The following PBLD variants were observed in gnomAD, a reference collection of about 807,000 sequenced individuals.
The protein encoded by PBLD is phenazine biosynthesis-like domain-containing protein.
PBLD carries 26 observed loss-of-function variants against 31.3 expected under a neutral mutation model. That is an observed-to-expected ratio of 0.83 (90% CI 0.61 to 1.15). PBLD has a LOEUF of 1.15. Ranked by LOEUF, PBLD falls within the 50% of genes most tolerant of loss-of-function variation. PBLD has a pLI of 0.00. For synonymous variants in PBLD, 114 were observed against 129.0 expected (o/e 0.88, Z 0.79); for missense variants, 307 against 351.7 (o/e 0.87, Z 1.02).
chr10:68,332,288 G>A (rs1044193102), intron 1 of PBLD: 1 of 152,276 alleles, frequency 6.6e-6, no homozygotes. Flanking sequence ...ACGAAAGGCC[G>A]GGAGGGGCTG....
At chr10:68,291,610 A>G (rs1466180010) in intron 6 of PBLD, among the ~76,000 whole-genome samples, 1 of 152,190 alleles carries the variant, frequency 6.6e-6, no homozygotes, top group African/African-American at 2.4e-5. Context: ...TTGCACAGCC[A>G]TGCTCGGGGC....
In PBLD at chr10:68,325,594, C is replaced by G. The variant is rs116824308; in HGVS notation, c.-60+7190G>C. ...ACAATACAAAAAAACCCAAAAAGCA[C>G]TACATTGATCATCAATCTTAAAAGC... On this transcript the variant is annotated intron_variant, in intron 1 of 9. Transcript: ENST00000358769. Among the ~76,000 whole-genome samples, 1,505 of 152,254 alleles carry G rather than the reference C, an allele frequency of 9.9e-3. 30 individuals carry two copies. Among genetic ancestry groups the G allele is most frequent in the African/African-American group, 0.033 (1,390 of 41,556 alleles).
intron 2 of PBLD, among the ~76,000 whole-genome samples, chr10:68,298,757 TACACACACACACACACACACAC>T (rs57358655): frequency 6.8e-6 from 1 of 147,172 alleles, no homozygotes. Flanking sequence ...TGCATACGAA[TACACACACACACACACACACAC>T]ACACACACAC....
rs1220538574 is a variant in PBLD at position 68,321,504 on chromosome 10, G to A, written c.-60+11280C>T. Among the ~76,000 whole-genome samples the A allele has an allele frequency of 3.3e-5, 5 of 152,292 alleles. No individual in the cohort carries two copies. In the East Asian group the frequency reaches 7.7e-4, roughly 23 times the overall value. ...ATGTAAAGGACTGAAATAATAAAAA[G>A]CATGTCCTTCAACCACAATAGAATG... is the stretch of plus-strand genomic sequence containing the variant. On this transcript the variant is annotated intron_variant, in intron 1 of 9. Coordinates refer to ENST00000358769, the MANE Select transcript of PBLD (RefSeq NM_022129.4).
intron 8 of PBLD, among the ~76,000 whole-genome samples, chr10:68,286,417 G>C (rs1393499509): frequency 6.6e-6 from 1 of 151,606 alleles, no homozygotes; most frequent in Admixed American, 6.6e-5. Flanking sequence ...TCTTTCCAGG[G>C]AAAGTATCTC....
chr10:68,294,392 C>T (rs2044398270), intron 4 of PBLD, among the ~76,000 whole-genome samples: 2 of 152,318 alleles, frequency 1.3e-5, no homozygotes, highest in East Asian at 1.9e-4. Context: ...TAAGGAGACA[C>T]CTGCTCTCAG....
At chr10:68,294,224 C>T (rs2044396213) in intron 4 of PBLD, among the ~76,000 whole-genome samples, 1 of 152,162 alleles carries the variant, frequency 6.6e-6, no homozygotes, top group South Asian at 2.1e-4. Context: ...GCCTGGGATG[C>T]TCCTCCTCTC....
intron 1 of PBLD, among the ~76,000 whole-genome samples, chr10:68,325,965 T>C (rs961050191): frequency 1.1e-4 from 16 of 152,238 alleles, no homozygotes; most frequent in Non-Finnish European, 2.4e-4. Context: ...TGTAATGGAA[T>C]GTATCTGTAT....
In PBLD at chr10:68,288,463, T is replaced by C. The variant is rs759887904; in HGVS notation, c.691+20A>G. ...CCTCTTCCATTGTTTAACCCTCCCC[T>C]GGGCTCAAGTAAAAAGTACCTGTCA... On this transcript the variant is annotated intron_variant, in intron 8 of 9. Transcript: ENST00000358769. 4.1e-5 allele frequency: 66 copies of C among 1,610,712 alleles called. 1 individual carries two copies. The highest frequency in any genetic ancestry group is 5.3e-5 in the Non-Finnish European group (63 of 1,178,684).
chr10:68,321,717 AAAAT>A (rs1362371791), intron 1 of PBLD, among the ~76,000 whole-genome samples: 5 of 152,226 alleles, frequency 3.3e-5, no homozygotes, highest in African/African-American at 9.6e-5. Flanking sequence ...AGTACTCAAA[AAAAT>A]AAATAAAAAG....
In PBLD at chr10:68,306,816, G is replaced by A; in HGVS notation, c.29C>T (p.Ala10Val). 2 of 1,611,210 alleles carry A rather than the reference G, an allele frequency of 1.2e-6. No homozygotes were observed. The highest frequency in any genetic ancestry group is 2.2e-5 in the East Asian group (1 of 44,804). Residue 10 changes from alanine to valine, a missense_variant, in exon 2 of 10, where the codon GCA (alanine) becomes GTA (valine). Physicochemically the swap from Ala to Val is moderately conservative, Grantham distance 64. Transcript: ENST00000358769. MKLPIFIAD[A>V]FTARAFRGNP... ...CCCACGAAATGCTCTTGCTGTGAATGCATCTGCTATGAAAATAGGAAGCTT... is the reference window on the plus strand; with the variant it reads ...CCCACGAAATGCTCTTGCTGTGAATACATCTGCTATGAAAATAGGAAGCTT...
chr10:68,300,341 C>A (rs984086979), intron 2 of PBLD, among the ~76,000 whole-genome samples: 1 of 152,144 alleles, frequency 6.6e-6, no homozygotes, highest in Non-Finnish European at 1.5e-5. Context: ...ACACTGCCTG[C>A]CCATCACAAA....
At chr10:68,319,337 G>C (rs1366113737) in intron 1 of PBLD, among the ~76,000 whole-genome samples, 2 of 152,162 alleles carry the variant, frequency 1.3e-5, no homozygotes, top group Non-Finnish European at 2.9e-5. Context: ...TTACATTTAA[G>C]TGCTTAAACT....
At chr10:68,288,787 T>A in intron 7 of PBLD, 126 bp from the exon 8 acceptor site, 7 of 1,272,000 alleles carry the variant, frequency 5.5e-6, no homozygotes, top group Non-Finnish European at 7.8e-6. Context: ...GAAGAACAAG[T>A]GGGAATGTCT....
In PBLD at chr10:68,314,191, G is replaced by T. The variant is rs1400451220; in HGVS notation, c.-59-7288C>A. Among the ~76,000 whole-genome samples, 3 of 152,126 alleles carry T rather than the reference G, an allele frequency of 2.0e-5. No homozygotes were observed. In the East Asian group the frequency reaches 5.8e-4, roughly 29 times the overall value. Reference sequence around the variant, plus strand: ...GGGGTTTCACTATGTTGGCCAAGCTGGTCTCAAAGTCCTTACCTCAGGTGA... The same window carrying T: ...GGGGTTTCACTATGTTGGCCAAGCTTGTCTCAAAGTCCTTACCTCAGGTGA... On this transcript the variant is annotated intron_variant, in intron 1 of 9. Coordinates refer to ENST00000358769, the MANE Select transcript of PBLD (RefSeq NM_022129.4).
chr10:68,318,655 T>G (rs888105765), intron 1 of PBLD, among the ~76,000 whole-genome samples: 1 of 152,020 alleles, frequency 6.6e-6, no homozygotes, highest in African/African-American at 2.4e-5. Context: ...GCTATATAAG[T>G]GCAGTTTTTT....
intron 2 of PBLD, among the ~76,000 whole-genome samples, chr10:68,302,555 T>C (rs10762214): frequency 0.79 from 119,744 of 152,046 alleles, 47,782 homozygotes; most frequent in Non-Finnish European, 0.86. Flanking sequence ...AAACTAAAAT[T>C]GACAAAACAT....
At chr10:68,284,739 T>C (rs1180649868) in intron 9 of PBLD, among the ~76,000 whole-genome samples, 2 of 152,178 alleles carry the variant, frequency 1.3e-5, no homozygotes, top group Non-Finnish European at 2.9e-5. Flanking sequence ...CATTCACTCA[T>C]AACATATTCA....
At position 68,298,742 on chromosome 10, in the gene PBLD, A is replaced by G. The variant is rs558741826; in HGVS notation, c.85-1757T>C. Reference sequence around the variant, plus strand: ...AAGTCAAGGTTTATTGTGAAGATATATACATGCATACGAATACACACACAC... The same window carrying G: ...AAGTCAAGGTTTATTGTGAAGATATGTACATGCATACGAATACACACACAC... On this transcript the variant is annotated intron_variant, in intron 2 of 9. Transcript: ENST00000358769. Among the ~76,000 whole-genome samples the G allele has an allele frequency of 2.1e-4, 25 of 120,340 alleles. No individual in the cohort carries two copies. In the South Asian group the frequency reaches 7.5e-3, roughly 36 times the overall value. The allele number at this position is 120,340 out of a possible 152,430, so 78.9% of individuals were successfully genotyped here. A position where few individuals can be genotyped will look rare whatever the true frequency, so the allele number is the denominator to read the frequency against.
Sources: allele counts gnomAD v4.1 joint callset (sites outside exome capture counted in the v4.1 genomes callset), GRCh38; gene constraint gnomAD v4.1.1; transcripts MANE v1.5; gene names NCBI Gene and HGNC (gene_info 2026-07-23, HGNC 2026-07-21).